The following MTA3 variants were observed in gnomAD, a reference collection of about 807,000 sequenced individuals.
MTA3 encodes metastasis associated 1 family member 3, also known as metastasis-associated protein MTA3.
A neutral mutation model predicts 83.5 loss-of-function variants in MTA3; 34 were observed. That is an observed-to-expected ratio of 0.41 (90% CI 0.31 to 0.54). MTA3 has a LOEUF of 0.54. Among genes scored for constraint, MTA3 ranks in the 20% least tolerant of loss-of-function variants. The probability of loss-of-function intolerance (pLI) is 0.33; values close to 1 mark genes in which losing one functional copy is unlikely to be tolerated. For missense variants in MTA3, 761 were observed against 726.4 expected, an observed-to-expected ratio of 1.05 and a Z score of -0.55; for synonymous variants, 303 against 252.7, an observed-to-expected ratio of 1.20 and a Z score of -1.89.
chr2:42,570,698 T>A (rs1365632012), intron 2 of MTA3, among the ~76,000 whole-genome samples, 194 bp downstream of exon 2: 1 of 151,974 alleles, frequency 6.6e-6, no homozygotes, highest in Non-Finnish European at 1.5e-5. Flanking sequence ...ATCTCTTATT[T>A]TTTTTTAATT....
intron 8 of MTA3, among the ~76,000 whole-genome samples, chr2:42,665,228 C>G (rs1690127434): frequency 6.6e-6 from 1 of 152,098 alleles, no homozygotes; most frequent in South Asian, 2.1e-4. Context: ...CCCATCTCTA[C>G]TAAAAATACA....
intron 16 of MTA3, among the ~76,000 whole-genome samples, chr2:42,749,938 T>A (rs754161810): frequency 1.6e-4 from 24 of 152,186 alleles, no homozygotes; most frequent in Non-Finnish European, 1.8e-4. Flanking sequence ...GTTTCATAGA[T>A]ACTGTATTTT....
chr2:42,733,750 C>T (rs371635311), intron 16 of MTA3, among the ~76,000 whole-genome samples: 8 of 152,080 alleles, frequency 5.3e-5, no homozygotes, highest in African/African-American at 1.9e-4. Context: ...CCTCCTGACT[C>T]AGGTTTCCCA....
chr2:42,752,202 C>A (rs1341205267), intron 16 of MTA3: 2 of 471,302 alleles, frequency 4.2e-6, no homozygotes, highest in South Asian at 3.1e-5. Context: ...TATCAAATAC[C>A]AAGCTGGGTA....
chr2:42,581,041 G>GC (rs1354957560), intron 3 of MTA3, among the ~76,000 whole-genome samples: 1 of 152,124 alleles, frequency 6.6e-6, no homozygotes, highest in Non-Finnish European at 1.5e-5. Context: ...GTTTAGCCAG[G>GC]CAAGTTAGTT....
chr2:42,713,525 T>G (rs1666793875), intron 14 of MTA3, among the ~76,000 whole-genome samples: 1 of 152,124 alleles, frequency 6.6e-6, no homozygotes, highest in African/African-American at 2.4e-5. Flanking sequence ...CTGAAAAATT[T>G]TTCTAAAGGT....
At chr2:42,497,352 C>T (rs747251603) in intron 2 of MTA3, among the ~76,000 whole-genome samples, 2 of 151,810 alleles carry the variant, frequency 1.3e-5, no homozygotes, top group African/African-American at 2.4e-5. Flanking sequence ...TTTGGGAGGC[C>T]GAGGCAGGTG....
intron 16 of MTA3, among the ~76,000 whole-genome samples, chr2:42,738,186 T>C (rs931325196): frequency 6.6e-6 from 1 of 152,088 alleles, no homozygotes. Context: ...GGATTGAGAC[T>C]GGGAGGTCGG....
upstream of MTA3, among the ~76,000 whole-genome samples, chr2:42,564,741 T>A (rs1247653519): frequency 6.6e-6 from 1 of 152,226 alleles, no homozygotes; most frequent in Non-Finnish European, 1.5e-5. Flanking sequence ...GGGTTCAGTA[T>A]GACAGAACTC....
chr2:42,667,491 T>G (rs1196888596), intron 8 of MTA3, among the ~76,000 whole-genome samples: 1 of 152,074 alleles, frequency 6.6e-6, no homozygotes, highest in Non-Finnish European at 1.5e-5. Flanking sequence ...AGTTTTTCGT[T>G]ACTGGCTTAT....
chr2:42,521,698 C>T (rs967068810), intron 2 of MTA3, among the ~76,000 whole-genome samples: 3 of 150,884 alleles, frequency 2.0e-5, no homozygotes, highest in Non-Finnish European at 4.4e-5. Flanking sequence ...CTTTGTCAGA[C>T]TGGCTAATCT....
intron 2 of MTA3, among the ~76,000 whole-genome samples, chr2:42,514,797 C>G (rs1163268291): frequency 7.0e-6 from 1 of 142,902 alleles, no homozygotes; most frequent in African/African-American, 2.6e-5. Context: ...AAATGATCCT[C>G]CCGCCTCAGC....
At position 42,628,340 on chromosome 2, in the gene MTA3, C is replaced by G. The variant is rs1438931981; in HGVS notation, c.318-11833C>G. ...CCACCTCCTGGGTTCAAGTGATTCTCTTGCCTCAGCCTCCCGAGTAGCTGG... is the reference window on the plus strand; with the variant it reads ...CCACCTCCTGGGTTCAAGTGATTCTGTTGCCTCAGCCTCCCGAGTAGCTGG... On this transcript the variant is annotated intron_variant, in intron 4 of 16. Transcript: ENST00000405094. 2.0e-5 allele frequency among the ~76,000 whole-genome samples: 3 copies of G among 152,024 alleles called. 1 individual carries two copies. The South Asian group carries it at 6.2e-4, about 32-fold the overall frequency.
At chr2:42,612,034 AG>A (rs1684285366) in intron 4 of MTA3, among the ~76,000 whole-genome samples, 1 of 152,162 alleles carries the variant, frequency 6.6e-6, no homozygotes, top group Admixed American at 6.6e-5. Flanking sequence ...GTATAACTTA[AG>A]TCATTTGCTG....
At chr2:42,623,386 C>T (rs969043750) in intron 4 of MTA3, among the ~76,000 whole-genome samples, 2 of 152,138 alleles carry the variant, frequency 1.3e-5, no homozygotes, top group African/African-American at 2.4e-5. Context: ...TTTTCCTGTC[C>T]AGCCTTCCCC....
chr2:42,640,385 A>T, intron 5 of MTA3, 149 bp downstream of exon 5: 1 of 602,202 alleles, frequency 1.7e-6, no homozygotes, highest in Non-Finnish European at 2.7e-6. Context: ...ACTAGAATGC[A>T]TTCGGGTAAA....
At chr2:42,570,288 A>T in intron 1 of MTA3, 149 bp from the exon 2 acceptor site, 1 of 503,822 alleles carries the variant, frequency 2.0e-6, no homozygotes. Flanking sequence ...GAGAGGATAT[A>T]TTAAGGCTGC....
intron 3 of MTA3, among the ~76,000 whole-genome samples, chr2:42,580,475 G>A (rs1172470979): frequency 6.6e-6 from 1 of 151,958 alleles, no homozygotes. Context: ...GGGTTCAGGC[G>A]ACTCTCCTGC....
At chr2:42,563,625 C>G (rs1395413764) in intron 2 of MTA3, among the ~76,000 whole-genome samples, 1 of 151,978 alleles carries the variant, frequency 6.6e-6, no homozygotes, top group Non-Finnish European at 1.5e-5. Context: ...CGCCACCACA[C>G]CCAGCTAATG....
Sources: allele counts gnomAD v4.1 joint callset (sites outside exome capture counted in the v4.1 genomes callset), GRCh38; gene constraint gnomAD v4.1.1; transcripts MANE v1.5; gene names NCBI Gene and HGNC (gene_info 2026-07-23, HGNC 2026-07-21).